Variants in RPSA2 observed in about 807,000 individuals in gnomAD.
The protein encoded by RPSA2 is small ribosomal subunit protein uS2B.
the RPSA2 span, among the ~76,000 whole-genome samples, chr19:23,830,279 G>A: frequency 6.6e-6 from 1 of 152,098 alleles, no homozygotes; most frequent in Non-Finnish European, 1.5e-5. Flanking sequence ...TGAGTAGCTG[G>A]TATTACAGGC....
the RPSA2 span, among the ~76,000 whole-genome samples, chr19:23,761,927 T>TCCTTCCTTCCTTCCTTCCTTCC: frequency 0.024 from 1,515 of 62,374 alleles, 123 homozygotes; most frequent in Admixed American, 0.025. Context: ...TTTCTTTTTT[T>TCCTTCCTTCCTTCCTTCCTTCC]TTTTTTTTGA....
the RPSA2 span, among the ~76,000 whole-genome samples, chr19:23,785,121 A>G: frequency 9.2e-5 from 14 of 152,140 alleles, no homozygotes; most frequent in Non-Finnish European, 1.5e-4. Context: ...TCTGCACCTC[A>G]AAAGAAGTGA....
the RPSA2 span, among the ~76,000 whole-genome samples, chr19:23,816,486 C>T: frequency 6.6e-6 from 1 of 152,094 alleles, no homozygotes; most frequent in Middle Eastern, 3.2e-3. Flanking sequence ...TTTATTGTAA[C>T]TGTTTTATGT....
At chr19:23,841,329 T>G in the RPSA2 span, among the ~76,000 whole-genome samples, 426 of 152,130 alleles carry the variant, frequency 2.8e-3, 6 homozygotes, top group Admixed American at 0.026. Context: ...CTGGGCGTGG[T>G]GGTGGGCACC....
the RPSA2 span, among the ~76,000 whole-genome samples, chr19:23,788,056 C>A: frequency 6.6e-6 from 1 of 152,196 alleles, no homozygotes; most frequent in Admixed American, 6.5e-5. Flanking sequence ...TGACTCCTGC[C>A]CAAGTGGTCA....
the RPSA2 span, among the ~76,000 whole-genome samples, chr19:23,781,219 C>T: frequency 6.6e-6 from 1 of 152,128 alleles, no homozygotes; most frequent in Non-Finnish European, 1.5e-5. Flanking sequence ...ATGATCTGCC[C>T]ACCTCGGCCT....
At chr19:23,818,216 C>CT in the RPSA2 span, 1 of 152,114 alleles carries the variant, frequency 6.6e-6, no homozygotes, top group Non-Finnish European at 1.5e-5. Context: ...TTACAAGAGC[C>CT]TCTGTGGCCA....
chr19:23,826,734 G>A, the RPSA2 span, among the ~76,000 whole-genome samples: 1 of 152,036 alleles, frequency 6.6e-6, no homozygotes, highest in Admixed American at 6.6e-5. Context: ...CACCTAGGCT[G>A]GAGTGCAGTG....
chr19:23,827,937 T>C, the RPSA2 span: 44 of 895,508 alleles, frequency 4.9e-5, no homozygotes, highest in East Asian at 1.1e-3. Context: ...TCTGTGCCTA[T>C]TCAGCAATTC....
the RPSA2 span, among the ~76,000 whole-genome samples, chr19:23,854,158 C>G: frequency 2.0e-5 from 3 of 152,080 alleles, no homozygotes; most frequent in African/African-American, 7.2e-5. Flanking sequence ...TGGCAGACAC[C>G]ATAAGTTTAA....
At chr19:23,816,599 C>T in the RPSA2 span, among the ~76,000 whole-genome samples, 1 of 151,828 alleles carries the variant, frequency 6.6e-6, no homozygotes. Context: ...TTTTGTTTTG[C>T]ACAGTTTCTT....
the RPSA2 span, among the ~76,000 whole-genome samples, chr19:23,849,029 C>A: frequency 2.6e-5 from 4 of 152,186 alleles, no homozygotes; most frequent in African/African-American, 9.7e-5. Flanking sequence ...GTAAAGTTAC[C>A]AGTATCCAGA....
At chr19:23,758,860 C>G in the RPSA2 span, 1 of 1,479,776 alleles carries the variant, frequency 6.8e-7, no homozygotes, top group East Asian at 2.3e-5. Flanking sequence ...GCAGTGAAGA[C>G]GAGACCCGGA....
the RPSA2 span, among the ~76,000 whole-genome samples, chr19:23,809,850 T>C: frequency 6.6e-6 from 1 of 152,204 alleles, no homozygotes; most frequent in Non-Finnish European, 1.5e-5. Flanking sequence ...ATCCACATAC[T>C]TTCAGTGCTA....
At chr19:23,758,884 G>C in the RPSA2 span, 1 of 1,288,364 alleles carries the variant, frequency 7.8e-7, no homozygotes, top group Non-Finnish European at 1.1e-6. Context: ...CGGGCTGAAG[G>C]GAGAGACAAA....
At chr19:23,825,877 C>A in the RPSA2 span, among the ~76,000 whole-genome samples, 1 of 152,130 alleles carries the variant, frequency 6.6e-6, no homozygotes, top group African/African-American at 2.4e-5. Flanking sequence ...GTGTGAGCCA[C>A]CATGCTCAGC....
chr19:23,762,997 T>A, the RPSA2 span: 1 of 152,276 alleles, frequency 6.6e-6, no homozygotes, highest in African/African-American at 2.4e-5. Context: ...TACCTCTTGC[T>A]CCCGCCAGAG....
At chr19:23,824,952 A>G in the RPSA2 span, among the ~76,000 whole-genome samples, 1 of 150,922 alleles carries the variant, frequency 6.6e-6, no homozygotes, top group Non-Finnish European at 1.5e-5. Flanking sequence ...GTTATCTAAT[A>G]AGTTGTTTGT....
the RPSA2 span, among the ~76,000 whole-genome samples, chr19:23,783,056 C>T: frequency 2.0e-5 from 3 of 149,080 alleles, no homozygotes; most frequent in Non-Finnish European, 4.4e-5. Flanking sequence ...ACTCTCCTCT[C>T]CTGCCTGAGA....
Sources: gnomAD v4.1 joint callset for allele counts (sites outside exome capture counted in the v4.1 genomes callset) on GRCh38, gnomAD v4.1.1 for gene constraint, MANE v1.5 for transcripts, NCBI Gene and HGNC (gene_info 2026-07-23, HGNC 2026-07-21) for gene names.